PTPN4: variants seen among roughly 807,000 people sequenced by gnomAD.
PTPN4 encodes protein tyrosine phosphatase non-receptor type 4.
Under a neutral mutation model 135.5 loss-of-function variants are expected in PTPN4, and 49 were observed. That is an observed-to-expected ratio of 0.36 (90% CI 0.29 to 0.46). The LOEUF is 0.46. Ranked by LOEUF, PTPN4 falls within the 20% of genes least tolerant of loss-of-function variation. The pLI is 1.00. For synonymous variants in PTPN4, 333 were observed against 369.9 expected (o/e 0.90, Z 1.14); for missense variants, 860 against 1,101.0 (o/e 0.78, Z 3.10).
intron 3 of PTPN4, among the ~76,000 whole-genome samples, chr2:119,870,890 C>T (rs1056763021): frequency 2.6e-5 from 4 of 151,846 alleles, no homozygotes; most frequent in Non-Finnish European, 5.9e-5. Context: ...ATAGTTCCTG[C>T]ATTTGTAAAG....
At chr2:119,876,737 C>T (rs891439768) in intron 3 of PTPN4, among the ~76,000 whole-genome samples, 3 of 151,916 alleles carry the variant, frequency 2.0e-5, no homozygotes, top group Non-Finnish European at 4.4e-5. Context: ...ATCAATCATT[C>T]TCAAAACTAA....
intron 23 of PTPN4, 115 bp downstream of exon 23, chr2:119,961,068 T>G: frequency 8.2e-7 from 1 of 1,215,634 alleles, no homozygotes; most frequent in Non-Finnish European, 1.1e-6. Context: ...TCTTCTTTTC[T>G]TGTGGTTTCT....
intron 2 of PTPN4, among the ~76,000 whole-genome samples, chr2:119,815,467 A>G (rs1676970204): frequency 6.6e-6 from 1 of 152,140 alleles, no homozygotes; most frequent in Non-Finnish European, 1.5e-5. Flanking sequence ...CAATTTACTA[A>G]TTGTTTGATG....
intron 3 of PTPN4, among the ~76,000 whole-genome samples, chr2:119,866,333 G>C (rs1041093086): frequency 1.3e-5 from 2 of 152,018 alleles, no homozygotes; most frequent in African/African-American, 2.4e-5. Flanking sequence ...TGATCTTTCT[G>C]CAGGTTCATT....
intron 1 of PTPN4, among the ~76,000 whole-genome samples, chr2:119,803,588 T>A (rs1691412634): frequency 6.6e-6 from 1 of 152,214 alleles, no homozygotes; most frequent in Admixed American, 6.5e-5. Context: ...CAGGATATGG[T>A]CTCTCTTGAA....
In PTPN4 at chr2:119,882,492, T is replaced by G. The variant is rs1374725305; in HGVS notation, c.467-11T>G. The G allele has an allele frequency of 6.7e-7, 1 of 1,501,638 alleles. No homozygotes were observed. Among genetic ancestry groups the G allele is most frequent in the African/African-American group, 1.4e-5 (1 of 70,432 alleles). 93.0% of individuals were successfully genotyped at this position (1,501,638 alleles called of 1,614,324 possible). ...TTTATTAAAATGTGAATGTTTTCCT[T>G]TCATTATTAGCTGAACTTGGAGACT... On this transcript the variant is annotated splice_polypyrimidine_tract_variant and intron_variant, in intron 7 of 26. Transcript: ENST00000263708.
chr2:119,888,470 T>A (rs1460992596), intron 9 of PTPN4, among the ~76,000 whole-genome samples: 1 of 152,224 alleles, frequency 6.6e-6, no homozygotes, highest in Non-Finnish European at 1.5e-5. Context: ...CAGTATGATG[T>A]TGACTTTGGG....
intron 5 of PTPN4, 87 bp from the exon 6 acceptor site, chr2:119,881,699 A>G: frequency 1.2e-6 from 1 of 866,576 alleles, no homozygotes; most frequent in Non-Finnish European, 1.7e-6. Flanking sequence ...AAATATGTTT[A>G]TTTGTTAATG....
chr2:119,760,409 G>A (rs1690460442), intron 1 of PTPN4, 25 bp downstream of exon 1: 2 of 387,432 alleles, frequency 5.2e-6, no homozygotes, highest in Admixed American at 9.0e-5. Context: ...GGTCCCCGCC[G>A]GCCTCTCGGC....
intron 2 of PTPN4, among the ~76,000 whole-genome samples, chr2:119,856,691 G>A (rs562095294): frequency 1.3e-5 from 2 of 152,270 alleles, no homozygotes; most frequent in Admixed American, 1.3e-4. Flanking sequence ...ATATTACTAA[G>A]TCTGATAAGA....
At chr2:119,848,521 C>T (rs1330468265) in intron 2 of PTPN4, among the ~76,000 whole-genome samples, 1 of 151,914 alleles carries the variant, frequency 6.6e-6, no homozygotes, top group Non-Finnish European at 1.5e-5. Flanking sequence ...TCTCTCCTCT[C>T]CTTCTGGTAC....
At chr2:119,973,887 TAATC>T (rs1188815856) in intron 26 of PTPN4, among the ~76,000 whole-genome samples, 1 of 152,036 alleles carries the variant, frequency 6.6e-6, no homozygotes, top group Non-Finnish European at 1.5e-5. Context: ...CACCCTTGAG[TAATC>T]AATCCCTGCA....
At chr2:119,835,012 C>T (rs1445802664) in intron 2 of PTPN4, among the ~76,000 whole-genome samples, 2 of 152,118 alleles carry the variant, frequency 1.3e-5, no homozygotes, top group Non-Finnish European at 2.9e-5. Flanking sequence ...TCATTTTCAA[C>T]GATAGCGTCC....
At chr2:119,833,882 C>A (rs1409084762) in intron 2 of PTPN4, among the ~76,000 whole-genome samples, 1 of 152,180 alleles carries the variant, frequency 6.6e-6, no homozygotes, top group Non-Finnish European at 1.5e-5. Flanking sequence ...AGAAATGTTG[C>A]TATCCAGACT....
intron 1 of PTPN4, among the ~76,000 whole-genome samples, chr2:119,775,645 C>T (rs1690821579): frequency 1.3e-5 from 2 of 152,120 alleles, no homozygotes; most frequent in South Asian, 4.1e-4. Flanking sequence ...TGGAGGATTA[C>T]AGTATTGAAG....
chr2:119,794,836 A>G (rs1362916327), intron 1 of PTPN4, among the ~76,000 whole-genome samples: 1 of 152,190 alleles, frequency 6.6e-6, no homozygotes, highest in African/African-American at 2.4e-5. Flanking sequence ...AGAATGAGGT[A>G]TGCAGACAAG....
At chr2:119,788,672 A>G (rs1425977539) in intron 1 of PTPN4, among the ~76,000 whole-genome samples, 1 of 152,196 alleles carries the variant, frequency 6.6e-6, no homozygotes, top group Non-Finnish European at 1.5e-5. Flanking sequence ...GGAATTATAT[A>G]TAATATTTGT....
intron 2 of PTPN4, among the ~76,000 whole-genome samples, chr2:119,835,956 C>G (rs1194857293): frequency 1.3e-5 from 2 of 151,788 alleles, no homozygotes; most frequent in Admixed American, 1.3e-4. Flanking sequence ...GTAATCCCAG[C>G]TACTTGGGAG....
intron 1 of PTPN4, among the ~76,000 whole-genome samples, chr2:119,761,343 A>G (rs1400698150): frequency 6.6e-6 from 1 of 152,176 alleles, no homozygotes; most frequent in East Asian, 1.9e-4. Context: ...GTGCCAGAGG[A>G]AAAAAATTTT....
Sources: allele counts gnomAD v4.1 joint callset (sites outside exome capture counted in the v4.1 genomes callset), GRCh38; gene constraint gnomAD v4.1.1; transcripts MANE v1.5; gene names NCBI Gene and HGNC (gene_info 2026-07-23, HGNC 2026-07-21).